The following LOC128125817 variants were observed in gnomAD, a reference collection of about 807,000 sequenced individuals.
chr1:41,613,952 C>T, the LOC128125817 span, among the ~76,000 whole-genome samples: 4 of 152,328 alleles, frequency 2.6e-5, no homozygotes, highest in South Asian at 2.1e-4. Flanking sequence ...CTTAGCATAA[C>T]GTTTTTCATC....
the LOC128125817 span, among the ~76,000 whole-genome samples, chr1:41,590,483 T>C: frequency 6.6e-6 from 1 of 152,204 alleles, no homozygotes; most frequent in African/African-American, 2.4e-5. Flanking sequence ...GGAAGGAACA[T>C]GGATGTGGTG....
the LOC128125817 span, among the ~76,000 whole-genome samples, chr1:41,620,938 G>A: frequency 6.6e-6 from 1 of 152,158 alleles, no homozygotes; most frequent in Non-Finnish European, 1.5e-5. Context: ...GCACCTCGAG[G>A]ACCACCCGAG....
the LOC128125817 span, among the ~76,000 whole-genome samples, chr1:41,625,190 A>AAAAAAAC: frequency 7.8e-6 from 1 of 127,884 alleles, no homozygotes; most frequent in Non-Finnish European, 1.6e-5. Flanking sequence ...AAAAAAAAAA[A>AAAAAAAC]AAGAATTCCT....
At chr1:41,617,890 A>G in the LOC128125817 span, among the ~76,000 whole-genome samples, 8 of 152,296 alleles carry the variant, frequency 5.3e-5, no homozygotes, top group East Asian at 1.5e-3. Context: ...CTTTTAGTTC[A>G]GTGTCTTCTT....
At chr1:41,627,222 C>T in the LOC128125817 span, among the ~76,000 whole-genome samples, 1 of 152,214 alleles carries the variant, frequency 6.6e-6, no homozygotes, top group African/African-American at 2.4e-5. Context: ...GTTAACGTGG[C>T]TGGCAACATT....
the LOC128125817 span, among the ~76,000 whole-genome samples, chr1:41,607,034 G>C: frequency 6.6e-6 from 1 of 151,798 alleles, no homozygotes; most frequent in Non-Finnish European, 1.5e-5. Flanking sequence ...ATATTGCTCA[G>C]TGTGGTCTTG....
the LOC128125817 span, among the ~76,000 whole-genome samples, chr1:41,598,036 G>T: frequency 1.3e-5 from 2 of 152,216 alleles, no homozygotes; most frequent in Admixed American, 1.3e-4. Flanking sequence ...ACACCCATGA[G>T]AACTCAGTGG....
the LOC128125817 span, among the ~76,000 whole-genome samples, chr1:41,622,294 G>C: frequency 2.0e-5 from 3 of 152,172 alleles, no homozygotes; most frequent in African/African-American, 7.2e-5. Context: ...TAATGCCATG[G>C]GGAAGGGGCA....
chr1:41,590,986 A>G, the LOC128125817 span, among the ~76,000 whole-genome samples: 8 of 152,232 alleles, frequency 5.3e-5, no homozygotes, highest in Non-Finnish European at 1.2e-4. Context: ...AAGGGACAGT[A>G]AAACTGTCAT....
chr1:41,608,277 T>C, the LOC128125817 span, among the ~76,000 whole-genome samples: 1 of 152,174 alleles, frequency 6.6e-6, no homozygotes, highest in African/African-American at 2.4e-5. Flanking sequence ...ACTCCCACAA[T>C]TGCCAAAAGA....
At chr1:41,607,654 G>A in the LOC128125817 span, among the ~76,000 whole-genome samples, 28 of 150,728 alleles carry the variant, frequency 1.9e-4, no homozygotes, top group Admixed American at 1.6e-3. Context: ...TGCTTCCAAT[G>A]TTTGGTGATT....
chr1:41,608,759 T>G, the LOC128125817 span, among the ~76,000 whole-genome samples: 1 of 152,176 alleles, frequency 6.6e-6, no homozygotes, highest in Non-Finnish European at 1.5e-5. Flanking sequence ...TCTAATGCTG[T>G]TATGATGTCA....
At chr1:41,586,437 T>C in the LOC128125817 span, among the ~76,000 whole-genome samples, 1 of 152,170 alleles carries the variant, frequency 6.6e-6, no homozygotes, top group Non-Finnish European at 1.5e-5. Flanking sequence ...AGGCCTCCCA[T>C]GGCCAGAGTT....
At chr1:41,618,475 T>A in the LOC128125817 span, among the ~76,000 whole-genome samples, 1 of 152,334 alleles carries the variant, frequency 6.6e-6, no homozygotes, top group East Asian at 1.9e-4. Context: ...TCCTTGTGGC[T>A]CCTGGCAGCC....
chr1:41,597,452 T>G, the LOC128125817 span, among the ~76,000 whole-genome samples: 2 of 152,342 alleles, frequency 1.3e-5, no homozygotes, highest in Admixed American at 6.5e-5. Flanking sequence ...AAATGAACTC[T>G]GACTATGTGC....
chr1:41,595,254 A>G, the LOC128125817 span, among the ~76,000 whole-genome samples: 3 of 152,206 alleles, frequency 2.0e-5, no homozygotes, highest in Non-Finnish European at 2.9e-5. Flanking sequence ...TTCATTGTGG[A>G]AAGAGAAATC....
the LOC128125817 span, among the ~76,000 whole-genome samples, chr1:41,609,951 G>A: frequency 0.015 from 2,346 of 152,300 alleles, 67 homozygotes; most frequent in African/African-American, 0.053. Flanking sequence ...AAAGCAGACC[G>A]CTTTCCACAA....
the LOC128125817 span, among the ~76,000 whole-genome samples, chr1:41,609,257 G>C: frequency 6.6e-6 from 1 of 152,312 alleles, no homozygotes; most frequent in African/African-American, 2.4e-5. Flanking sequence ...GAACTCCATG[G>C]TGTCTGCCCT....
chr1:41,608,738 C>T, the LOC128125817 span, among the ~76,000 whole-genome samples: 1 of 152,156 alleles, frequency 6.6e-6, no homozygotes, highest in Non-Finnish European at 1.5e-5. Flanking sequence ...GGATGACTTC[C>T]TATCTTGTTT....
Sources: gnomAD v4.1 joint callset for allele counts (sites outside exome capture counted in the v4.1 genomes callset) on GRCh38, gnomAD v4.1.1 for gene constraint, MANE v1.5 for transcripts.